The following MOB1B variants were observed in gnomAD, a reference collection of about 807,000 sequenced individuals.
The protein encoded by MOB1B is MOB kinase activator 1B.
MOB1B carries 19 observed loss-of-function variants against 24.4 expected under a neutral mutation model. The observed-to-expected ratio is 0.78, with a 90% CI of 0.54 to 1.14. MOB1B has a LOEUF of 1.14. Among genes scored for constraint, MOB1B ranks in the 50% most tolerant of loss-of-function variants. The pLI, the probability that MOB1B is intolerant of heterozygous loss-of-function variation, is 0.00. For missense variants in MOB1B, 243 were observed against 259.6 expected, an observed-to-expected ratio of 0.94 and a Z score of 0.44; for synonymous variants, 76 against 82.1, an observed-to-expected ratio of 0.93 and a Z score of 0.40.
chr4:70,917,793 C>T (rs554093654), intron 1 of MOB1B, among the ~76,000 whole-genome samples: 7 of 152,184 alleles, frequency 4.6e-5, no homozygotes, highest in Non-Finnish European at 8.8e-5. Context: ...CCCATCAGGT[C>T]ACCAAATGTA....
At chr4:70,980,346 A>G (rs1384752194) in intron 5 of MOB1B, among the ~76,000 whole-genome samples, 1 of 152,210 alleles carries the variant, frequency 6.6e-6, no homozygotes, top group East Asian at 1.9e-4. Context: ...TGATTGCTAA[A>G]GTTCAGGTTG....
upstream of MOB1B, chr4:70,902,194 A>AGAAGG: frequency 2.1e-6 from 1 of 466,958 alleles, no homozygotes; most frequent in Non-Finnish European, 3.9e-6. Flanking sequence ...GAGAGTCCCC[A>AGAAGG]TGCCGCAGCC....
chr4:70,924,674 G>A (rs188030115), intron 1 of MOB1B, among the ~76,000 whole-genome samples: 109 of 152,084 alleles, frequency 7.2e-4, no homozygotes, highest in Non-Finnish European at 1.1e-3. Flanking sequence ...GATATTCCCC[G>A]CCCTGTGTCC....
chr4:70,977,864 G>A (rs966121057), intron 4 of MOB1B, among the ~76,000 whole-genome samples: 1 of 152,004 alleles, frequency 6.6e-6, no homozygotes, highest in Non-Finnish European at 1.5e-5. Context: ...CTAATTTCTA[G>A]TTTTTTGTAG....
intron 1 of MOB1B, among the ~76,000 whole-genome samples, chr4:70,920,958 T>A (rs1736413305): frequency 6.6e-6 from 1 of 152,210 alleles, no homozygotes; most frequent in Non-Finnish European, 1.5e-5. Context: ...GAACAAATGA[T>A]GACTTGCTAG....
intron 1 of MOB1B, among the ~76,000 whole-genome samples, chr4:70,948,245 T>C (rs1737668184): frequency 6.6e-6 from 1 of 152,236 alleles, no homozygotes; most frequent in Admixed American, 6.5e-5. Context: ...GTTGACTCTA[T>C]TTGTATGGTC....
At chr4:70,969,172 C>T (rs1227826107) in intron 2 of MOB1B, among the ~76,000 whole-genome samples, 2 of 152,132 alleles carry the variant, frequency 1.3e-5, no homozygotes, top group Non-Finnish European at 2.9e-5. Context: ...TATTCCGTCA[C>T]GCAGGCTGAA....
At chr4:70,927,407 G>C (rs1736698839) in intron 1 of MOB1B, among the ~76,000 whole-genome samples, 1 of 152,076 alleles carries the variant, frequency 6.6e-6, no homozygotes, top group Non-Finnish European at 1.5e-5. Context: ...AGGCATGGTG[G>C]CACTCGCCTG....
chr4:70,963,256 AG>A (rs1451259871), intron 2 of MOB1B, among the ~76,000 whole-genome samples: 27 of 152,250 alleles, frequency 1.8e-4, no homozygotes, highest in South Asian at 1.0e-3. Context: ...GCTACTTGGG[AG>A]GCTGAGGTGG....
intron 4 of MOB1B, 49 bp from the exon 5 acceptor site, chr4:70,979,079 C>T (rs1739105113): frequency 2.0e-6 from 3 of 1,478,814 alleles, no homozygotes; most frequent in Non-Finnish European, 2.8e-6. Flanking sequence ...AACTCATTGT[C>T]TTGTTGTCAT....
intron 1 of MOB1B, among the ~76,000 whole-genome samples, chr4:70,953,956 A>G (rs555470324): frequency 1.9e-4 from 29 of 152,084 alleles, no homozygotes; most frequent in South Asian, 4.1e-4. Context: ...AAAAGAAAAT[A>G]AAAGAAGAAA....
chr4:70,911,010 A>T (rs553837546), intron 1 of MOB1B, among the ~76,000 whole-genome samples: 33 of 152,130 alleles, frequency 2.2e-4, no homozygotes, highest in Middle Eastern at 3.4e-3. Flanking sequence ...CTGTTCTGGA[A>T]CTCCTGACCT....
chr4:70,975,898 T>G (rs954847765), intron 4 of MOB1B: 3 of 789,118 alleles, frequency 3.8e-6, no homozygotes, highest in Non-Finnish European at 4.6e-6. Context: ...TATTTTAATC[T>G]AAATTTTTCA....
intron 3 of MOB1B, 97 bp from the exon 4 acceptor site, chr4:70,975,056 T>C (rs1738923164): frequency 2.3e-6 from 2 of 888,596 alleles, no homozygotes; most frequent in Non-Finnish European, 3.1e-6. Context: ...GTTGAAAACA[T>C]GTCTGTGTGT....
intron 1 of MOB1B, among the ~76,000 whole-genome samples, chr4:70,952,802 A>C (rs531661526): frequency 4.5e-4 from 69 of 152,026 alleles, no homozygotes; most frequent in Non-Finnish European, 8.5e-4. Context: ...GTATGTCTTA[A>C]AATATGTGAG....
intron 4 of MOB1B, chr4:70,976,712 G>A: frequency 1.1e-6 from 1 of 875,408 alleles, no homozygotes; most frequent in Non-Finnish European, 1.4e-6. Flanking sequence ...TAACCACTTG[G>A]AACTTTTTTA....
intron 4 of MOB1B, chr4:70,976,680 T>G: frequency 3.1e-6 from 3 of 963,364 alleles, no homozygotes; most frequent in Non-Finnish European, 3.7e-6. Flanking sequence ...TGGAGTACTT[T>G]AAACATATTT....
At chr4:70,925,825 A>G (rs186379426) in intron 1 of MOB1B, among the ~76,000 whole-genome samples, 15 of 152,294 alleles carry the variant, frequency 9.8e-5, no homozygotes, top group East Asian at 9.6e-4. Context: ...GGGAGCCTCA[A>G]TGTAGATCCC....
intron 1 of MOB1B, among the ~76,000 whole-genome samples, chr4:70,907,159 A>T (rs1208120867): frequency 6.6e-6 from 1 of 152,184 alleles, no homozygotes; most frequent in Non-Finnish European, 1.5e-5. Context: ...GCAGGGGTCT[A>T]TTAGTAACAT....
Sources: gnomAD v4.1 joint callset for allele counts (sites outside exome capture counted in the v4.1 genomes callset) on GRCh38, gnomAD v4.1.1 for gene constraint, MANE v1.5 for transcripts, NCBI Gene and HGNC (gene_info 2026-07-23, HGNC 2026-07-21) for gene names.